Variants in ENSA observed in about 807,000 individuals in gnomAD.
ENSA encodes alpha-endosulfine.
Under a neutral mutation model 16.8 loss-of-function variants are expected in ENSA, and 7 were observed. The observed-to-expected ratio is 0.42, with a 90% CI of 0.24 to 0.78. ENSA has a LOEUF of 0.78. Ranked by LOEUF, ENSA falls within the 30% of genes least tolerant of loss-of-function variation. The probability of loss-of-function intolerance (pLI) is 0.29; values close to 1 mark genes in which losing one functional copy is unlikely to be tolerated. For missense variants in ENSA, 87 were observed against 142.3 expected (o/e 0.61, Z 1.98); for synonymous variants, 58 against 53.4 (o/e 1.09, Z -0.37).
intron 1 of ENSA, among the ~76,000 whole-genome samples, chr1:150,628,622 A>G (rs1649515789): frequency 6.6e-6 from 1 of 152,024 alleles, no homozygotes; most frequent in African/African-American, 2.4e-5. Flanking sequence ...TAGATATAAC[A>G]CCAAGTGTAT....
intron 3 of ENSA, chr1:150,623,562 G>A (rs1484264192): frequency 1.0e-6 from 1 of 985,616 alleles, no homozygotes; most frequent in South Asian, 4.7e-5. Flanking sequence ...AGAGAAGGCA[G>A]CTCAGACAGA....
At chr1:150,627,238 C>A (rs587710033) in intron 2 of ENSA, 2 of 1,520,274 alleles carry the variant, frequency 1.3e-6, no homozygotes, top group Admixed American at 2.2e-5. Flanking sequence ...CCCACACACC[C>A]AAATGCTCCA....
At chr1:150,627,071 C>T in intron 2 of ENSA, 1 of 1,306,098 alleles carries the variant, frequency 7.7e-7, no homozygotes, top group Non-Finnish European at 9.7e-7. Flanking sequence ...GGATTTATTT[C>T]TGTAGGAGAG....
rs925823341 is a variant in ENSA at position 150,629,580 on chromosome 1, G to A, written c.-110C>T. On this transcript the variant is annotated 5_prime_UTR_variant, in exon 1 of 4. Transcript: ENST00000369014. ...CTGCTGCTTCGGCTCCTGTCACTAG[G>A]GTTGCTCAGTCAAAATGGCGGCCCT... 7.2e-7 allele frequency: 1 copy of A among 1,397,066 alleles called. No individual in the cohort carries two copies. Among genetic ancestry groups the A allele is most frequent in the Non-Finnish European group, 9.8e-7 (1 of 1,023,384 alleles). 86.5% of individuals were successfully genotyped at this position (1,397,066 alleles called of 1,614,324 possible).
At chr1:150,624,376 C>T (rs1258874786) in intron 3 of ENSA, 1 of 985,880 alleles carries the variant, frequency 1.0e-6, no homozygotes, top group Non-Finnish European at 1.2e-6. Flanking sequence ...CTCAGTTTAC[C>T]CTTCTTCCTC....
rs1207810459 is a variant in ENSA, at chr1:150,622,840, A to G, written c.*4T>C. On this transcript the variant is annotated 3_prime_UTR_variant, in exon 4 of 4. Coordinates refer to ENST00000369014, the MANE Select transcript of ENSA (RefSeq NM_004436.4). ...CTCAGGATCTGGCAGAGCCCCGGGC[A>G]GCATCATTCAACTTGGCCACTGCGG... The G allele has an allele frequency of 6.4e-7, 1 of 1,558,496 alleles. No individual in the cohort carries two copies. Among genetic ancestry groups the G allele is most frequent in the Non-Finnish European group, 8.7e-7 (1 of 1,151,062 alleles).
chr1:150,625,122 G>C (rs587685079), intron 3 of ENSA: 2 of 985,504 alleles, frequency 2.0e-6, no homozygotes, highest in Admixed American at 6.1e-5. Context: ...TTTTAGGCAA[G>C]CAAGTCAATT....
In ENSA at chr1:150,629,576, C is replaced by T; in HGVS notation, c.-106G>A. The T allele has an allele frequency of 7.0e-7, 1 of 1,429,932 alleles. No homozygotes were observed. The highest frequency in any genetic ancestry group is 9.5e-7 in the Non-Finnish European group (1 of 1,047,166). 88.6% of individuals were successfully genotyped at this position (1,429,932 alleles called of 1,614,324 possible). A position where few individuals can be genotyped will look rare whatever the true frequency, so the allele number is the denominator to read the frequency against. On this transcript the variant is annotated 5_prime_UTR_variant, in exon 1 of 4. It adds an upstream start codon to the 5' untranslated region. Transcript: ENST00000369014. ...TGCGCTGCTGCTTCGGCTCCTGTCA[C>T]TAGGGTTGCTCAGTCAAAATGGCGG...
At chr1:150,626,681 C>T (rs371551802) in intron 2 of ENSA, among the ~76,000 whole-genome samples, 30 of 152,284 alleles carry the variant, frequency 2.0e-4, no homozygotes, top group Admixed American at 5.2e-4. Flanking sequence ...TTCAGCCTCC[C>T]GAGTAGCTGG....
intron 1 of ENSA, among the ~76,000 whole-genome samples, chr1:150,628,280 T>C (rs1649488401): frequency 6.6e-6 from 1 of 152,042 alleles, no homozygotes; most frequent in Non-Finnish European, 1.5e-5. Context: ...TATGTGGCCT[T>C]CTCCAAAGAT....
rs1050388812 is a variant in ENSA at position 150,624,369 on chromosome 1, A to G, written c.350+1273T>C. ...AGTACTCAGCCCCAGGGGCTAGCTC[A>G]GTTTACCCTTCTTCCTCTTTCCCTA... On this transcript the variant is annotated intron_variant, in intron 3 of 3. Coordinates refer to ENST00000369014, the MANE Select transcript of ENSA (RefSeq NM_004436.4). The G allele has an allele frequency of 9.1e-6, 9 of 985,818 alleles. No individual in the cohort carries two copies. The African/African-American group carries it at 1.6e-4, about 17-fold the overall frequency. 61.1% of individuals were successfully genotyped at this position (985,818 alleles called of 1,614,324 possible).
rs1649601763 is a variant in ENSA at position 150,629,599 on chromosome 1, C to T, written c.-129G>A. 1.1e-5 allele frequency: 13 copies of T among 1,200,718 alleles called. No homozygotes were observed. The highest frequency in any genetic ancestry group is 1.5e-5 in the Non-Finnish European group (13 of 856,654). The allele number at this position is 1,200,718 out of a possible 1,614,324, so 74.4% of individuals were successfully genotyped here. A position where few individuals can be genotyped will look rare whatever the true frequency, so the allele number is the denominator to read the frequency against. ...CACTAGGGTTGCTCAGTCAAAATGGCGGCCCTTGCCCGTGACGTTGCGACC... is the reference window on the plus strand; with the variant it reads ...CACTAGGGTTGCTCAGTCAAAATGGTGGCCCTTGCCCGTGACGTTGCGACC... On this transcript the variant is annotated 5_prime_UTR_variant, in exon 1 of 4. Transcript: ENST00000369014.
chr1:150,627,602 A>C lies in ENSA; in HGVS notation c.58-10T>G. On this transcript the variant is annotated splice_polypyrimidine_tract_variant and intron_variant, in intron 1 of 3. Coordinates refer to ENST00000369014, the MANE Select transcript of ENSA (RefSeq NM_004436.4). ...CTTTCTCCTGCGTGTCCTGGAGAAAACAAATGAGCCAAATAAAATTAAAGA... is the reference window on the plus strand; with the variant it reads ...CTTTCTCCTGCGTGTCCTGGAGAAACCAAATGAGCCAAATAAAATTAAAGA... 1.3e-6 allele frequency: 2 copies of C among 1,596,054 alleles called. No homozygotes were observed. Among genetic ancestry groups the C allele is most frequent in the Non-Finnish European group, 1.7e-6 (2 of 1,174,330 alleles).
At chr1:150,623,637 A>G (rs1299686104) in intron 3 of ENSA, 10 of 957,740 alleles carry the variant, frequency 1.0e-5, no homozygotes, top group Non-Finnish European at 1.2e-5. Flanking sequence ...TTATATATAT[A>G]TTTATATATA....
Position 150,626,348 on chromosome 1 carries a change from CAT to C in ENSA, c.184-542_184-541del, listed in dbSNP as rs587646921. 5.0e-4 allele frequency: 394 copies of C among 792,298 alleles called. 3 individuals are homozygous for C. The East Asian group carries it at 7.7e-3, about 15-fold the overall frequency. The allele number at this position is 792,298 out of a possible 1,614,324, so 49.1% of individuals were successfully genotyped here. On this transcript the variant is annotated intron_variant, in intron 2 of 3. Transcript: ENST00000369014. The stretch of plus-strand genomic sequence containing the variant: ...CCTTCTGACTCTCACAGCTCCCACA[CAT>C]GTTCCATGACTGTGACAGCCTGCCC...
intron 2 of ENSA, chr1:150,626,626 G>A (rs1012490514): frequency 3.3e-5 from 28 of 842,220 alleles, no homozygotes; most frequent in Non-Finnish European, 4.4e-5. Context: ...GCACGATCTC[G>A]GCTCACTGCA....
Position 150,627,464 on chromosome 1 carries a change from T to C in ENSA, c.183+3A>G, listed in dbSNP as rs1470482314. On this transcript the variant is annotated splice_donor_region_variant and intron_variant, in intron 2 of 3. Transcript: ENST00000369014. ...AAAGAGGGTAAGAGACTATGCCCCA[T>C]ACCCCTTTCTGGAGTCTCTTCATGA... The C allele has an allele frequency of 6.2e-7, 1 of 1,614,236 alleles. No individual in the cohort carries two copies. Among genetic ancestry groups the C allele is most frequent in the East Asian group, 2.2e-5 (1 of 44,884 alleles).
intron 3 of ENSA, chr1:150,624,911 A>G (rs1255684699): frequency 1.0e-6 from 1 of 971,146 alleles, no homozygotes; most frequent in Non-Finnish European, 1.2e-6. Flanking sequence ...GCTGGGACTG[A>G]GTAGAGTGAG....
chr1:150,623,269 C>CCACA lies in ENSA; in HGVS notation c.351-414_351-411dup, dbSNP rs142238932. ...TGACTGTGTGGAGGCCAGAACCAGACCACACACATGCTGTTCTGAATGGAT... is the reference window on the plus strand; with the variant it reads ...TGACTGTGTGGAGGCCAGAACCAGACCACACACACACATGCTGTTCTGAATGGAT... On this transcript the variant is annotated intron_variant, in intron 3 of 3. Transcript: ENST00000369014. 2.1e-3 allele frequency: 2,169 copies of CCACA among 1,014,940 alleles called. 38 individuals carry two copies. In the African/African-American group the frequency reaches 0.033, roughly 15 times the overall value. The allele number at this position is 1,014,940 out of a possible 1,614,324, so 62.9% of individuals were successfully genotyped here. A position where few individuals can be genotyped will look rare whatever the true frequency, so the allele number is the denominator to read the frequency against.
Sources: allele counts gnomAD v4.1 joint callset (sites outside exome capture counted in the v4.1 genomes callset), GRCh38; gene constraint gnomAD v4.1.1; transcripts MANE v1.5; gene names NCBI Gene and HGNC (gene_info 2026-07-23, HGNC 2026-07-21).